ARMC2: variants seen among roughly 807,000 people sequenced by gnomAD.
The protein encoded by ARMC2 is armadillo repeat-containing protein 2.
A neutral mutation model predicts 90.3 loss-of-function variants in ARMC2; 67 were observed. The observed-to-expected ratio is 0.74, with a 90% CI of 0.61 to 0.91. ARMC2 has a LOEUF of 0.91. ARMC2 is among the 40% of genes least tolerant of loss of function. The probability of loss-of-function intolerance (pLI) is 0.00; values close to 1 mark genes in which losing one functional copy is unlikely to be tolerated. For missense variants in ARMC2, 920 were observed against 1,030.9 expected, an observed-to-expected ratio of 0.89 and a Z score of 1.47; for synonymous variants, 393 against 393.0, an observed-to-expected ratio of 1.00 and a Z score of 0.00.
the ARMC2 span, chr6:109,001,318 G>A: frequency 6.8e-6 from 11 of 1,613,752 alleles, no homozygotes; most frequent in Non-Finnish European, 9.3e-6. Flanking sequence ...GATAATGTAG[G>A]GGTAACGGCC....
At chr6:109,000,893 T>C in the ARMC2 span, among the ~76,000 whole-genome samples, 1 of 152,140 alleles carries the variant, frequency 6.6e-6, no homozygotes, top group African/African-American at 2.4e-5. Context: ...GATAAAAGTA[T>C]TTGAACTTTA....
intron 16 of ARMC2, among the ~76,000 whole-genome samples, chr6:108,964,521 C>A (rs1399373351): frequency 6.6e-6 from 1 of 152,140 alleles, no homozygotes; most frequent in Non-Finnish European, 1.5e-5. Flanking sequence ...CACCTGTAAT[C>A]CCAGCATTTT....
chr6:108,852,362 G>C (rs986149758), intron 1 of ARMC2, among the ~76,000 whole-genome samples: 2 of 152,128 alleles, frequency 1.3e-5, no homozygotes, highest in African/African-American at 4.8e-5. Context: ...GTTAAAGTGA[G>C]ATTTGGTGGA....
chr6:109,001,612 GT>G, the ARMC2 span: 1 of 828,316 alleles, frequency 1.2e-6, no homozygotes, highest in Non-Finnish European at 1.9e-6. Flanking sequence ...AGAAAGAGGG[GT>G]TACAAATTTA....
intron 3 of ARMC2, among the ~76,000 whole-genome samples, chr6:108,863,552 A>C (rs1775500787): frequency 6.6e-6 from 1 of 152,186 alleles, no homozygotes; most frequent in South Asian, 2.1e-4. Flanking sequence ...TGGTGTTCAA[A>C]TTTCGTTCAC....
At chr6:108,985,499 A>T in the ARMC2 span, among the ~76,000 whole-genome samples, 7 of 152,236 alleles carry the variant, frequency 4.6e-5, no homozygotes, top group Non-Finnish European at 1.0e-4. Flanking sequence ...CTCCAACAGG[A>T]AGCACCTGCT....
chr6:109,015,417 GC>G, the ARMC2 span, among the ~76,000 whole-genome samples: 1 of 152,284 alleles, frequency 6.6e-6, no homozygotes, highest in Admixed American at 6.5e-5. Context: ...GTCAGACACT[GC>G]CTGTGTCTGA....
Position 108,894,504 on chromosome 6 carries a change from C to T in ARMC2, c.709C>T (p.Pro237Ser), listed in dbSNP as rs546062110. 1 of 1,611,608 alleles carries T rather than the reference C, an allele frequency of 6.2e-7. No individual in the cohort carries two copies. Among genetic ancestry groups the T allele is most frequent in the South Asian group, 1.1e-5 (1 of 90,888 alleles). The change falls in exon 6 of 18, where the codon CCC becomes TCC. Residue 237 changes from proline to serine, a missense_variant. Coordinates refer to ENST00000392644, the MANE Select transcript of ARMC2 (RefSeq NM_032131.6). ...GKRHARASSC[P>S]SSSDLSRLQT... ...GAGACATGCGAGGGCCTCATCATGCCCCAGTAGCTCAGACCTGAGCAGGCT... is the reference window on the plus strand; with the variant it reads ...GAGACATGCGAGGGCCTCATCATGCTCCAGTAGCTCAGACCTGAGCAGGCT...
chr6:108,902,797 T>A (rs1379900519), intron 7 of ARMC2, among the ~76,000 whole-genome samples: 2 of 152,222 alleles, frequency 1.3e-5, no homozygotes, highest in Admixed American at 1.3e-4. Context: ...CTATCAGAGA[T>A]AATATTATTT....
At chr6:108,894,616 A>G (rs1483191022) in intron 6 of ARMC2, 73 bp downstream of exon 6, 37 of 1,326,066 alleles carry the variant, frequency 2.8e-5, no homozygotes, top group Non-Finnish European at 2.7e-5. Context: ...GAAGATATCT[A>G]TGTTGGCCAC....
chr6:108,994,467 G>T, the ARMC2 span: 8 of 1,611,520 alleles, frequency 5.0e-6, no homozygotes, highest in South Asian at 8.8e-5. Context: ...CTTACCTGAA[G>T]AGAAGACAAA....
chr6:108,907,964 C>T (rs1463565429), intron 8 of ARMC2: 9 of 1,109,330 alleles, frequency 8.1e-6, no homozygotes, highest in Non-Finnish European at 1.0e-5. Context: ...AATACCTAAT[C>T]ATTAAACATT....
chr6:109,009,119 C>T, the ARMC2 span: 70 of 708,616 alleles, frequency 9.9e-5, no homozygotes, highest in South Asian at 3.2e-3. Flanking sequence ...CATTTTCTGC[C>T]CAGGGACGAC....
intron 14 of ARMC2, 97 bp downstream of exon 14, chr6:108,961,791 T>G: frequency 7.4e-7 from 1 of 1,353,384 alleles, no homozygotes. Flanking sequence ...ATCTTCTGCC[T>G]TCTGGTACAG....
chr6:108,949,248 A>G (rs1777014172), intron 12 of ARMC2, among the ~76,000 whole-genome samples: 1 of 152,180 alleles, frequency 6.6e-6, no homozygotes, highest in Non-Finnish European at 1.5e-5. Context: ...ACTTATTAAC[A>G]TCACTGTTAT....
chr6:108,853,329 C>T (rs747546024), intron 1 of ARMC2, among the ~76,000 whole-genome samples: 51 of 152,226 alleles, frequency 3.4e-4, no homozygotes, highest in Non-Finnish European at 6.2e-4. Flanking sequence ...GTTGATTCTA[C>T]TTATAGAAAT....
At chr6:108,999,300 A>G in the ARMC2 span, among the ~76,000 whole-genome samples, 3 of 152,080 alleles carry the variant, frequency 2.0e-5, no homozygotes, top group African/African-American at 7.2e-5. Context: ...CTATTTTGTA[A>G]TCTTGTATAA....
chr6:109,009,259 T>C, the ARMC2 span: 9 of 1,113,856 alleles, frequency 8.1e-6, no homozygotes, highest in Non-Finnish European at 1.1e-5. Flanking sequence ...CGGGAGCGAC[T>C]GTGAGGAGGC....
At chr6:109,009,601 C>A in the ARMC2 span, 13 of 1,043,490 alleles carry the variant, frequency 1.2e-5, no homozygotes, top group Non-Finnish European at 1.5e-5. Context: ...GGCCCCGCCC[C>A]GCGCCCGTCA....
Sources: allele counts gnomAD v4.1 joint callset (sites outside exome capture counted in the v4.1 genomes callset), GRCh38; gene constraint gnomAD v4.1.1; transcripts MANE v1.5; gene names NCBI Gene and HGNC (gene_info 2026-07-23, HGNC 2026-07-21).